The following SYNE1 variants were observed in gnomAD, a reference collection of about 807,000 sequenced individuals.
The protein encoded by SYNE1 is nesprin-1.
A neutral mutation model predicts 1,111.0 loss-of-function variants in SYNE1; 616 were observed. The observed-to-expected ratio is 0.55, with a 90% CI of 0.52 to 0.59. The LOEUF (loss-of-function observed/expected upper bound fraction) is 0.59. SYNE1 is among the 20% of genes least tolerant of loss of function. SYNE1 has a pLI of 0.00. For synonymous variants in SYNE1, 3,855 were observed against 3,825.8 expected (o/e 1.01, Z -0.28); for missense variants, 10,006 against 10,417.0 (o/e 0.96, Z 1.72).
At chr6:152,262,001 T>A in intron 101 of SYNE1, 31 bp downstream of exon 101, 1 of 1,544,758 alleles carries the variant, frequency 6.5e-7, no homozygotes, top group Non-Finnish European at 8.8e-7. Context: ...TCTTTTATAT[T>A]AGTTAATATA....
intron 87 of SYNE1, 136 bp downstream of exon 87, chr6:152,316,713 A>AG: frequency 1.1e-6 from 1 of 915,994 alleles, no homozygotes; most frequent in Non-Finnish European, 1.7e-6. Flanking sequence ...TGAACAACTT[A>AG]GGGGTACCTT....
At position 152,330,509 on chromosome 6, in the gene SYNE1, G is replaced by A; in HGVS notation, c.14176C>T (p.Leu4726Phe). The A allele has an allele frequency of 6.2e-7, 1 of 1,614,064 alleles. No homozygotes were observed. The highest frequency in any genetic ancestry group is 8.5e-7 in the Non-Finnish European group (1 of 1,180,006). ...TTCAGTTCATCCACCGCCTCCCCAA[G>A]GCCCGCCACCTCGTCCAGAATGGCT... ...CRAILDEVAG[L>F]GEAVDELNQK... The change falls in exon 78 of 146, where the codon CTT (leucine) becomes TTT (phenylalanine). Residue 4726 changes from leucine to phenylalanine, a missense_variant. Coordinates refer to ENST00000367255, the MANE Select transcript of SYNE1 (RefSeq NM_182961.4).
At chr6:152,524,400 T>C (rs1244231026) in intron 5 of SYNE1, among the ~76,000 whole-genome samples, 2 of 152,162 alleles carry the variant, frequency 1.3e-5, no homozygotes, top group Non-Finnish European at 2.9e-5. Flanking sequence ...ATAAACTTCT[T>C]GAATACCTAC....
intron 13 of SYNE1, among the ~76,000 whole-genome samples, chr6:152,484,613 T>C (rs1380523092): frequency 2.6e-5 from 4 of 152,210 alleles, no homozygotes; most frequent in Non-Finnish European, 4.4e-5. Context: ...TGATATCACA[T>C]AGAGGGAAGC....
intron 3 of SYNE1, among the ~76,000 whole-genome samples, chr6:152,608,888 G>A (rs926423245): frequency 1.3e-5 from 2 of 152,088 alleles, no homozygotes; most frequent in African/African-American, 2.4e-5. Flanking sequence ...AGCCAAGATC[G>A]CGCCACTGCA....
intron 63 of SYNE1, among the ~76,000 whole-genome samples, chr6:152,363,490 T>C (rs1012232116): frequency 4.1e-5 from 6 of 146,376 alleles, no homozygotes; most frequent in African/African-American, 1.0e-4. Context: ...CAAGACTCCG[T>C]CTCAAACTAA....
chr6:152,163,786 G>A (rs1178770840), intron 131 of SYNE1, among the ~76,000 whole-genome samples: 1 of 152,106 alleles, frequency 6.6e-6, no homozygotes, highest in Admixed American at 6.5e-5. Context: ...GGGGCAGGGG[G>A]GCTCCTTTCA....
At chr6:152,281,679 A>T in intron 97 of SYNE1, 128 bp downstream of exon 97, 1 of 988,294 alleles carries the variant, frequency 1.0e-6, no homozygotes, top group Non-Finnish European at 1.5e-6. Flanking sequence ...TCTATTCTTT[A>T]AATGTATAAA....
chr6:152,463,293 A>C, intron 19 of SYNE1, 60 bp downstream of exon 19: 2 of 1,609,924 alleles, frequency 1.2e-6, no homozygotes, highest in South Asian at 1.1e-5. Context: ...CTCTAAACAG[A>C]CTACTTATCA....
At chr6:152,212,074 CAA>C (rs1462014334) in intron 123 of SYNE1, among the ~76,000 whole-genome samples, 1 of 151,954 alleles carries the variant, frequency 6.6e-6, no homozygotes, top group Non-Finnish European at 1.5e-5. Flanking sequence ...TTAAAAAACT[CAA>C]GAGAAGGTCC....
At chr6:152,619,461 G>T (rs2099670529) in intron 3 of SYNE1, among the ~76,000 whole-genome samples, 3 of 119,524 alleles carry the variant, frequency 2.5e-5, no homozygotes. Context: ...AAATCCCAGA[G>T]TTTACAATGT....
In SYNE1 at chr6:152,318,915, G is replaced by A. The variant is rs766875930; in HGVS notation, c.16337C>T (p.Thr5446Ile). ...ATTATCTGTCTTCGCTTTCAGCTTA[G>A]TTAGAATAGTTGTGAGGTCTTTAGC... ...KLAKDLTTIL[T>I]KLKAKTDNVV... is the part of the protein sequence containing the mutation. Residue 5446 changes from threonine (T) to isoleucine (I), a missense_variant, in exon 85 of 146, where the codon ACT becomes ATT. This residue lies in a region of SYNE1 where 4,955 missense variants were observed against 5,017.2 expected (regional missense o/e 0.99). Transcript: ENST00000367255. 2 of 1,614,166 alleles carry A rather than the reference G, an allele frequency of 1.2e-6. No individual in the cohort carries two copies. The highest frequency in any genetic ancestry group is 1.1e-5 in the South Asian group (1 of 91,086).
chr6:152,458,682 T>C, intron 22 of SYNE1, 75 bp downstream of exon 22: 1 of 1,505,788 alleles, frequency 6.6e-7, no homozygotes, highest in Non-Finnish European at 9.2e-7. Context: ...ACTGAATTTC[T>C]ATTCCTGTAA....
At chr6:152,619,789 A>G (rs897371382) in intron 3 of SYNE1, among the ~76,000 whole-genome samples, 1 of 152,132 alleles carries the variant, frequency 6.6e-6, no homozygotes, top group Non-Finnish European at 1.5e-5. Flanking sequence ...GGTCATTGTC[A>G]GCTCATAGCA....
chr6:152,405,338 C>T (rs1563761718), intron 45 of SYNE1, among the ~76,000 whole-genome samples: 1 of 152,190 alleles, frequency 6.6e-6, no homozygotes, highest in Non-Finnish European at 1.5e-5. Context: ...CCCTCTCAAC[C>T]TCCTACAAAG....
intron 124 of SYNE1, among the ~76,000 whole-genome samples, chr6:152,208,590 C>T (rs1353498011): frequency 6.6e-6 from 1 of 152,170 alleles, no homozygotes; most frequent in Non-Finnish European, 1.5e-5. Context: ...ATGATATCAT[C>T]TTGTGGGACA....
chr6:152,293,444 C>A (rs951720494), intron 95 of SYNE1, 144 bp downstream of exon 95: 1 of 783,700 alleles, frequency 1.3e-6, no homozygotes, highest in Non-Finnish European at 2.2e-6. Flanking sequence ...CCATTAGGAC[C>A]CTTGTTTACT....
intron 3 of SYNE1, among the ~76,000 whole-genome samples, chr6:152,545,135 T>C (rs1432661840): frequency 6.6e-6 from 1 of 152,234 alleles, no homozygotes; most frequent in African/African-American, 2.4e-5. Flanking sequence ...TCCATAATAA[T>C]TTATTACTGA....
At chr6:152,425,305 T>A in intron 39 of SYNE1, 76 bp downstream of exon 39, 1 of 1,502,084 alleles carries the variant, frequency 6.7e-7, no homozygotes, top group Non-Finnish European at 9.2e-7. Flanking sequence ...TAAACAAAAC[T>A]ATGCTTTCTT....
Sources: allele counts gnomAD v4.1 joint callset (sites outside exome capture counted in the v4.1 genomes callset), GRCh38; gene constraint gnomAD v4.1.1; regional missense constraint gnomAD v4.1.1; transcripts MANE v1.5; gene names NCBI Gene and HGNC (gene_info 2026-07-23, HGNC 2026-07-21).